The following GABRB3 variants were observed in gnomAD, a reference collection of about 807,000 sequenced individuals.
The protein encoded by GABRB3 is gamma-aminobutyric acid receptor subunit beta-3.
Under a neutral mutation model 52.1 loss-of-function variants are expected in GABRB3, and 14 were observed. The ratio of observed to expected loss-of-function variants is 0.27; its 90% CI spans 0.18 to 0.42. GABRB3 has a LOEUF of 0.42. Ranked by LOEUF, GABRB3 falls within the 10% of genes least tolerant of loss-of-function variation. GABRB3 has a pLI of 1.00. For missense variants in GABRB3, 307 were observed against 609.1 expected (o/e 0.50, Z 5.22); for synonymous variants, 260 against 232.3 (o/e 1.12, Z -1.08).
At chr15:26,708,262 T>C (rs1486652389) in intron 3 of GABRB3, among the ~76,000 whole-genome samples, 1 of 152,180 alleles carries the variant, frequency 6.6e-6, no homozygotes, top group African/African-American at 2.4e-5. Flanking sequence ...AAGAAATGTG[T>C]GCTATGTCCC....
rs190835098 is a variant in GABRB3, at chr15:26,642,244, A to G, written c.241-20710T>C. 2.5e-3 allele frequency among the ~76,000 whole-genome samples: 377 copies of G among 152,248 alleles called. 3 individuals are homozygous for G. Among genetic ancestry groups the G allele is most frequent in the Non-Finnish European group, 4.1e-3 (277 of 68,022 alleles). On this transcript the variant is annotated intron_variant, in intron 3 of 8. Transcript: ENST00000311550. ...TGGACCTCCATATCCACCGGTTCTG[A>G]ATCTGCAGCCAAATGTGAGTCAAAA...
At chr15:26,738,122 G>A (rs1357251783) in intron 3 of GABRB3, among the ~76,000 whole-genome samples, 4 of 152,062 alleles carry the variant, frequency 2.6e-5, no homozygotes, top group South Asian at 2.1e-4. Context: ...TGGAGTTGTC[G>A]CCTGGGCTGG....
At chr15:26,571,143 T>C (rs17646356) in intron 6 of GABRB3, among the ~76,000 whole-genome samples, 27,536 of 152,150 alleles carry the variant, frequency 0.18, 3,139 homozygotes, top group Admixed American at 0.25. Context: ...TGCAATTTCA[T>C]GGCAACCTCA....
At chr15:26,643,557 T>C (rs1387818716) in intron 3 of GABRB3, among the ~76,000 whole-genome samples, 3 of 147,596 alleles carry the variant, frequency 2.0e-5, no homozygotes, top group Non-Finnish European at 3.0e-5. Flanking sequence ...AACGCTCCTA[T>C]CATCAGCATT....
intron 3 of GABRB3, among the ~76,000 whole-genome samples, chr15:26,683,723 G>C (rs1466841455): frequency 6.6e-6 from 1 of 152,034 alleles, no homozygotes; most frequent in Non-Finnish European, 1.5e-5. Context: ...TAGGGGGCAG[G>C]GTCGGGGGGA....
intron 3 of GABRB3, among the ~76,000 whole-genome samples, chr15:26,699,103 C>A (rs1416346675): frequency 6.6e-6 from 1 of 151,458 alleles, no homozygotes; most frequent in African/African-American, 2.4e-5. Flanking sequence ...CATTGAGAAG[C>A]AGGAATATAA....
intron 3 of GABRB3, among the ~76,000 whole-genome samples, chr15:26,626,734 T>G (rs1221534672): frequency 1.3e-5 from 2 of 152,212 alleles, no homozygotes; most frequent in Admixed American, 6.5e-5. Context: ...GAAGAAAAGT[T>G]AGAAGATAGG....
At chr15:26,772,513 G>A (rs746317416) in intron 2 of GABRB3, 44 bp from the exon 3 acceptor site, 1 of 1,592,968 alleles carries the variant, frequency 6.3e-7, no homozygotes, top group Admixed American at 1.7e-5. Flanking sequence ...GCTCCGGCGC[G>A]GGGCGCGGGC....
chr15:26,596,215 A>G (rs1489860453), intron 4 of GABRB3, among the ~76,000 whole-genome samples: 1 of 152,188 alleles, frequency 6.6e-6, no homozygotes, highest in Non-Finnish European at 1.5e-5. Flanking sequence ...ATTATGATAT[A>G]AAGTCAAAGC....
chr15:26,666,042 G>A (rs1323764996), intron 3 of GABRB3, among the ~76,000 whole-genome samples: 4 of 152,006 alleles, frequency 2.6e-5, no homozygotes, highest in African/African-American at 7.2e-5. Flanking sequence ...CCAAGCACAC[G>A]CACAAACATG....
At chr15:26,706,439 T>TG (rs1889106731) in intron 3 of GABRB3, among the ~76,000 whole-genome samples, 1 of 147,122 alleles carries the variant, frequency 6.8e-6, no homozygotes, top group Admixed American at 7.5e-5. Context: ...AATTGAGGGG[T>TG]TTTTTTTTTC....
intron 3 of GABRB3, among the ~76,000 whole-genome samples, chr15:26,678,716 G>A (rs1888145576): frequency 6.6e-6 from 1 of 152,262 alleles, no homozygotes; most frequent in Middle Eastern, 3.4e-3. Context: ...AACCCACCCA[G>A]GAAGGTGAGT....
intron 3 of GABRB3, among the ~76,000 whole-genome samples, chr15:26,724,456 C>T (rs979752765): frequency 1.3e-5 from 2 of 152,122 alleles, no homozygotes; most frequent in African/African-American, 4.8e-5. Context: ...GAAACCAGCC[C>T]TTTTGAAAGA....
At chr15:26,608,424 G>A (rs1891924131) in intron 4 of GABRB3, among the ~76,000 whole-genome samples, 1 of 152,030 alleles carries the variant, frequency 6.6e-6, no homozygotes, top group Non-Finnish European at 1.5e-5. Flanking sequence ...TTGATTTGAT[G>A]CAACAAATGC....
intron 4 of GABRB3, among the ~76,000 whole-genome samples, chr15:26,584,374 A>G (rs8024256): frequency 0.61 from 93,322 of 151,994 alleles, 30,550 homozygotes; most frequent in East Asian, 0.88. Context: ...TTTCCACGGG[A>G]AGTGTTAAAG....
intron 3 of GABRB3, among the ~76,000 whole-genome samples, chr15:26,703,320 C>T (rs1438877782): frequency 6.6e-6 from 1 of 152,150 alleles, no homozygotes; most frequent in African/African-American, 2.4e-5. Flanking sequence ...AAACCAATCC[C>T]TCAGTCAAGA....
At chr15:26,608,201 C>T (rs910605451) in intron 4 of GABRB3, among the ~76,000 whole-genome samples, 1 of 151,268 alleles carries the variant, frequency 6.6e-6, no homozygotes, top group African/African-American at 2.4e-5. Flanking sequence ...CAAGAATATG[C>T]AATGGGAAAA....
At chr15:26,664,508 C>T (rs946256197) in intron 3 of GABRB3, among the ~76,000 whole-genome samples, 2 of 151,762 alleles carry the variant, frequency 1.3e-5, no homozygotes. Context: ...GTATGTTTCA[C>T]GGTGGAAAGA....
At chr15:26,642,736 G>A (rs541468047) in intron 3 of GABRB3, among the ~76,000 whole-genome samples, 9 of 151,934 alleles carry the variant, frequency 5.9e-5, no homozygotes, top group South Asian at 4.2e-4. Flanking sequence ...AGTTATTTGC[G>A]AGAAAGATTA....
Sources: gnomAD v4.1 joint callset for allele counts (sites outside exome capture counted in the v4.1 genomes callset) on GRCh38, gnomAD v4.1.1 for gene constraint, MANE v1.5 for transcripts, NCBI Gene and HGNC (gene_info 2026-07-23, HGNC 2026-07-21) for gene names.